Variants in SNX29 observed in about 807,000 individuals in gnomAD.
The protein encoded by SNX29 is sorting nexin-29.
A neutral mutation model predicts 102.1 loss-of-function variants in SNX29; 78 were observed. The ratio of observed to expected loss-of-function variants is 0.76; its 90% CI spans 0.64 to 0.92. The LOEUF (loss-of-function observed/expected upper bound fraction) is 0.92. SNX29 is among the 40% of genes least tolerant of loss of function. The pLI is 0.00. For synonymous variants in SNX29, 580 were observed against 414.5 expected, an observed-to-expected ratio of 1.40 and a Z score of -4.85; for missense variants, 1,280 against 1,061.7, an observed-to-expected ratio of 1.21 and a Z score of -2.86.
At chr16:11,979,498 G>C (rs980001282) in intron 1 of SNX29, among the ~76,000 whole-genome samples, 3 of 152,058 alleles carry the variant, frequency 2.0e-5, no homozygotes, top group Non-Finnish European at 2.9e-5. Context: ...TTGTGGGGTG[G>C]GTAACTGGTA....
Position 12,002,443 on chromosome 16 carries a change from T to C in SNX29, c.70-548T>C, listed in dbSNP as rs2056320350. On this transcript the variant is annotated intron_variant, in intron 2 of 20. Transcript: ENST00000566228. ...CCTGGGCAACAAGAGTGAAACTCCA[T>C]CTCAAAAAAAAAAAAAAAAAGGAGT... Among the ~76,000 whole-genome samples, 5 of 138,898 alleles carry C rather than the reference T, an allele frequency of 3.6e-5. No homozygotes were observed. In the Admixed American group the frequency reaches 3.6e-4, roughly 10 times the overall value. The allele number at this position is 138,898 out of a possible 152,430, so 91.1% of individuals were successfully genotyped here. A position where few individuals can be genotyped will look rare whatever the true frequency, so the allele number is the denominator to read the frequency against.
intron 20 of SNX29, among the ~76,000 whole-genome samples, chr16:12,559,994 C>A (rs13330259): frequency 3.3e-5 from 5 of 152,290 alleles, no homozygotes; most frequent in Admixed American, 1.3e-4. Flanking sequence ...AAAGATTTTG[C>A]AAGCAACTTC....
intron 14 of SNX29, among the ~76,000 whole-genome samples, chr16:12,276,683 G>C (rs1030230065): frequency 6.6e-6 from 1 of 152,172 alleles, no homozygotes; most frequent in East Asian, 1.9e-4. Flanking sequence ...TAAACATGCT[G>C]TGGATGTTTT....
chr16:12,555,672 G>A (rs189881282), intron 20 of SNX29, among the ~76,000 whole-genome samples: 9 of 152,190 alleles, frequency 5.9e-5, no homozygotes, highest in South Asian at 2.1e-4. Context: ...CCTGCACGAA[G>A]TCTGAGAATA....
chr16:12,361,008 G>T (rs1299308913), intron 16 of SNX29, among the ~76,000 whole-genome samples: 1 of 152,342 alleles, frequency 6.6e-6, no homozygotes, highest in African/African-American at 2.4e-5. Context: ...GGGAGAGGGG[G>T]TCCCCTTACG....
chr16:12,040,998 G>C (rs1467266399), intron 4 of SNX29, among the ~76,000 whole-genome samples: 3 of 152,118 alleles, frequency 2.0e-5, no homozygotes, highest in Non-Finnish European at 4.4e-5. Context: ...TTTTAGTAGA[G>C]ACAGGGTTTC....
intron 18 of SNX29, among the ~76,000 whole-genome samples, chr16:12,430,206 C>T (rs567257206): frequency 3.3e-5 from 5 of 152,346 alleles, no homozygotes; most frequent in Admixed American, 6.5e-5. Context: ...GTTCCCCCCC[C>T]AGCCCCAGTC....
chr16:12,524,862 C>T, intron 20 of SNX29, 21 bp downstream of exon 20: 1 of 1,602,126 alleles, frequency 6.2e-7, no homozygotes, highest in Non-Finnish European at 8.5e-7. Flanking sequence ...CTCCCACGGA[C>T]ATGGGCCGCC....
At chr16:12,565,308 A>C (rs186409126) in intron 20 of SNX29, among the ~76,000 whole-genome samples, 5 of 152,254 alleles carry the variant, frequency 3.3e-5, no homozygotes, top group Admixed American at 3.3e-4. Context: ...CTCTCCATTC[A>C]AGTCCACTGT....
intron 1 of SNX29, among the ~76,000 whole-genome samples, chr16:11,995,626 T>G (rs13332023): frequency 0.12 from 16,796 of 135,244 alleles, 1,943 homozygotes; most frequent in African/African-American, 0.32. Flanking sequence ...TCCAGAATAA[T>G]CAGTAGAGCA....
At chr16:12,554,828 CCATT>C (rs2078224712) in intron 20 of SNX29, among the ~76,000 whole-genome samples, 1 of 152,160 alleles carries the variant, frequency 6.6e-6, no homozygotes, top group African/African-American at 2.4e-5. Flanking sequence ...CTGCTCTGTG[CCATT>C]CTTTCCGTAG....
chr16:12,141,219 T>C (rs1194926413), intron 13 of SNX29, among the ~76,000 whole-genome samples: 1 of 152,226 alleles, frequency 6.6e-6, no homozygotes, highest in Admixed American at 6.5e-5. Flanking sequence ...GCTCAGATTA[T>C]GAGTAAGGTT....
At chr16:12,439,378 C>T (rs2085694479) in intron 18 of SNX29, among the ~76,000 whole-genome samples, 1 of 152,152 alleles carries the variant, frequency 6.6e-6, no homozygotes, top group Non-Finnish European at 1.5e-5. Flanking sequence ...CTGAGTTAGC[C>T]ACTATATTAG....
At chr16:11,999,916 AG>A (rs1179628420) in intron 2 of SNX29, among the ~76,000 whole-genome samples, 2 of 151,324 alleles carry the variant, frequency 1.3e-5, no homozygotes, top group African/African-American at 4.9e-5. Context: ...AAAAAAAAAA[AG>A]TCATTGATGT....
rs200955127 is a variant in SNX29, at chr16:12,257,517, CTCTT to C, written c.1679-20414_1679-20411del. Reference sequence around the variant, plus strand: ...ACCACTAGCATCTCTCTCTCTCTCTCTCTTTAAGAGAGACAGGGTCTTGCTCTGC... The same window carrying C: ...ACCACTAGCATCTCTCTCTCTCTCTCTAAGAGAGACAGGGTCTTGCTCTGC... On this transcript the variant is annotated intron_variant, in intron 14 of 20. Coordinates refer to ENST00000566228, the MANE Select transcript of SNX29 (RefSeq NM_032167.5). Among the ~76,000 whole-genome samples the C allele has an allele frequency of 4.1e-3, 615 of 151,794 alleles. 3 individuals are homozygous for C. The highest frequency in any genetic ancestry group is 0.019 in the South Asian group (90 of 4,798).
At chr16:12,344,552 G>A (rs1235630829) in intron 15 of SNX29, among the ~76,000 whole-genome samples, 1 of 152,126 alleles carries the variant, frequency 6.6e-6, no homozygotes, top group African/African-American at 2.4e-5. Flanking sequence ...ATGAATGAAA[G>A]AATCTGAGAA....
intron 14 of SNX29, among the ~76,000 whole-genome samples, chr16:12,202,354 C>T (rs2076933981): frequency 6.6e-6 from 1 of 151,902 alleles, no homozygotes; most frequent in South Asian, 2.1e-4. Context: ...ATTTTTCTTC[C>T]CCGAATGTGG....
At chr16:12,192,911 A>G (rs1448521601) in intron 13 of SNX29, among the ~76,000 whole-genome samples, 1 of 152,178 alleles carries the variant, frequency 6.6e-6, no homozygotes, top group African/African-American at 2.4e-5. Flanking sequence ...CATGTTGGCC[A>G]GGCTGGTCTT....
At chr16:11,992,987 C>T (rs2055912253) in intron 1 of SNX29, among the ~76,000 whole-genome samples, 1 of 151,898 alleles carries the variant, frequency 6.6e-6, no homozygotes, top group African/African-American at 2.4e-5. Flanking sequence ...CATGGCGAAA[C>T]CCCATCTCTA....
Sources: gnomAD v4.1 joint callset for allele counts (sites outside exome capture counted in the v4.1 genomes callset) on GRCh38, gnomAD v4.1.1 for gene constraint, MANE v1.5 for transcripts, NCBI Gene and HGNC (gene_info 2026-07-23, HGNC 2026-07-21) for gene names.